Variants in PPARG observed in about 807,000 individuals in gnomAD.
PPARG encodes the protein peroxisome proliferator activated receptor gamma.
PPARG carries 17 observed loss-of-function variants against 39.2 expected under a neutral mutation model. That is an observed-to-expected ratio of 0.43 (90% CI 0.30 to 0.65). PPARG has a LOEUF of 0.65. PPARG is among the 30% of genes least tolerant of loss of function. The pLI, the probability that PPARG is intolerant of heterozygous loss-of-function variation, is 0.13. For synonymous variants in PPARG, 223 were observed against 215.7 expected, an observed-to-expected ratio of 1.03 and a Z score of -0.30; for missense variants, 406 against 585.9, an observed-to-expected ratio of 0.69 and a Z score of 3.17.
intron 6 of PPARG, among the ~76,000 whole-genome samples, chr3:12,410,417 C>CA (rs942426583): frequency 1.3e-5 from 2 of 152,144 alleles, no homozygotes; most frequent in African/African-American, 4.8e-5. Flanking sequence ...CAGTGGTTTT[C>CA]AAAAACCATT....
Position 12,357,248 on chromosome 3 carries a change from C to T in PPARG, c.-8-22456C>T, listed in dbSNP as rs191582861. Among the ~76,000 whole-genome samples the T allele has an allele frequency of 2.9e-4, 44 of 152,210 alleles. 1 individual carries two copies. The highest frequency in any genetic ancestry group is 6.0e-4 in the African/African-American group (25 of 41,534). On this transcript the variant is annotated intron_variant, in intron 2 of 7. Coordinates refer to ENST00000651735, the MANE Select transcript of PPARG (RefSeq NM_138711.6). ...ACAAAAGTCCAAGTCTGGCCCCTAC[C>T]TCCTGCCCTACCCCAGCTGACCCCT...
chr3:12,390,637 C>CTTTTTTTTTTT (rs35190152), intron 4 of PPARG, among the ~76,000 whole-genome samples: 8 of 92,384 alleles, frequency 8.7e-5, no homozygotes, highest in Non-Finnish European at 1.2e-4. Context: ...TATTTTCTTC[C>CTTTTTTTTTTT]TTTTTTTTTT....
At chr3:12,413,498 T>C (rs941275959) in intron 6 of PPARG, among the ~76,000 whole-genome samples, 1 of 152,132 alleles carries the variant, frequency 6.6e-6, no homozygotes, top group Non-Finnish European at 1.5e-5. Flanking sequence ...TTCTTCAGAA[T>C]GCAGAAAGGA....
intron 7 of PPARG, among the ~76,000 whole-genome samples, chr3:12,425,546 G>A (rs1575153025): frequency 6.6e-6 from 1 of 152,100 alleles, no homozygotes; most frequent in Admixed American, 6.5e-5. Context: ...GCCACCAGAC[G>A]GATTCAGGGC....
intron 2 of PPARG, among the ~76,000 whole-genome samples, chr3:12,321,870 T>A (rs578037760): frequency 6.6e-6 from 1 of 152,346 alleles, no homozygotes; most frequent in Non-Finnish European, 1.5e-5. Flanking sequence ...TGTTCAGGGA[T>A]CCCTAGTGCT....
chr3:12,429,552 CAAAAAAAAAAA>C (rs753288907), intron 7 of PPARG, among the ~76,000 whole-genome samples: 4 of 99,592 alleles, frequency 4.0e-5, no homozygotes, highest in East Asian at 5.6e-4. Context: ...CTGTCTCTAC[CAAAAAAAAAAA>C]AAAAAAAAAA....
intron 2 of PPARG, among the ~76,000 whole-genome samples, chr3:12,378,900 C>A (rs1319727420): frequency 1.3e-5 from 2 of 152,184 alleles, no homozygotes; most frequent in Admixed American, 1.3e-4. Flanking sequence ...TGTTCATTAC[C>A]TTGATTATGA....
At chr3:12,356,663 AT>A (rs1343126689) in intron 2 of PPARG, among the ~76,000 whole-genome samples, 1 of 152,126 alleles carries the variant, frequency 6.6e-6, no homozygotes. Context: ...TTGAGTGCCG[AT>A]TTTCAAGGCA....
intron 1 of PPARG, chr3:12,297,727 A>G (rs1431584665): frequency 6.6e-6 from 1 of 152,074 alleles, no homozygotes; most frequent in Non-Finnish European, 1.5e-5. Context: ...GATCTACTTG[A>G]TCTTTAGCAT....
intron 1 of PPARG, among the ~76,000 whole-genome samples, chr3:12,298,870 C>T (rs944998006): frequency 6.6e-6 from 1 of 152,190 alleles, no homozygotes. Context: ...GGGTCTCACT[C>T]TGTCACCCAG....
chr3:12,357,339 A>G (rs528363786), intron 2 of PPARG, among the ~76,000 whole-genome samples: 2 of 151,852 alleles, frequency 1.3e-5, no homozygotes, highest in Admixed American at 1.3e-4. Flanking sequence ...TGTTCCTTCC[A>G]CATTCCAGAT....
At chr3:12,410,953 C>T (rs1348413235) in intron 6 of PPARG, among the ~76,000 whole-genome samples, 1 of 152,154 alleles carries the variant, frequency 6.6e-6, no homozygotes, top group Non-Finnish European at 1.5e-5. Flanking sequence ...GCAGAATCCT[C>T]AGAGAAAGGG....
intron 2 of PPARG, among the ~76,000 whole-genome samples, chr3:12,376,847 G>C (rs577872506): frequency 1.3e-5 from 2 of 152,310 alleles, no homozygotes; most frequent in East Asian, 3.9e-4. Context: ...TTGTTAGCCA[G>C]TGGGGATATG....
chr3:12,288,282 G>C (rs924156855), upstream of PPARG, among the ~76,000 whole-genome samples: 1 of 151,944 alleles, frequency 6.6e-6, no homozygotes, highest in African/African-American at 2.4e-5. Context: ...GGGTGAAGGG[G>C]TCTTGGGCTG....
chr3:12,351,537 C>G (rs961425304), intron 2 of PPARG: 14 of 1,324,778 alleles, frequency 1.1e-5, no homozygotes, highest in African/African-American at 1.4e-5. Flanking sequence ...TGATCTTTTG[C>G]TAGATAGAGA....
chr3:12,370,523 CTA>C (rs1282247477), intron 2 of PPARG, among the ~76,000 whole-genome samples: 4 of 152,118 alleles, frequency 2.6e-5, no homozygotes, highest in African/African-American at 9.7e-5. Context: ...AGGATGATAA[CTA>C]TATGTTTAAA....
chr3:12,364,530 T>A (rs2048953132), intron 2 of PPARG, among the ~76,000 whole-genome samples: 1 of 152,206 alleles, frequency 6.6e-6, no homozygotes, highest in African/African-American at 2.4e-5. Flanking sequence ...TGTGGGTTTT[T>A]TGTGGACTTA....
At chr3:12,356,295 A>C (rs2048663884) in intron 2 of PPARG, among the ~76,000 whole-genome samples, 1 of 152,224 alleles carries the variant, frequency 6.6e-6, no homozygotes, top group Non-Finnish European at 1.5e-5. Flanking sequence ...TTAAAGACGA[A>C]GAAATTGCAC....
intron 2 of PPARG, among the ~76,000 whole-genome samples, chr3:12,317,282 G>A (rs1258513811): frequency 2.0e-5 from 3 of 152,020 alleles, no homozygotes; most frequent in Admixed American, 6.6e-5. Flanking sequence ...TTTGGCCTTC[G>A]GGTTTGTTTC....
Sources: gnomAD v4.1 joint callset for allele counts (sites outside exome capture counted in the v4.1 genomes callset) on GRCh38, gnomAD v4.1.1 for gene constraint, MANE v1.5 for transcripts, NCBI Gene and HGNC (gene_info 2026-07-23, HGNC 2026-07-21) for gene names.